The following MACROH2A2 variants were observed in gnomAD, a reference collection of about 807,000 sequenced individuals.
MACROH2A2 encodes the protein core histone macro-H2A.2.
MACROH2A2 carries 6 observed loss-of-function variants against 37.6 expected under a neutral mutation model. The ratio of observed to expected loss-of-function variants is 0.16; its 90% CI spans 0.09 to 0.32. The LOEUF (loss-of-function observed/expected upper bound fraction) is 0.32. MACROH2A2 is among the 10% of genes least tolerant of loss of function. MACROH2A2 has a pLI of 1.00. For synonymous variants in MACROH2A2, 192 were observed against 202.7 expected, an observed-to-expected ratio of 0.95 and a Z score of 0.45; for missense variants, 290 against 485.9, an observed-to-expected ratio of 0.60 and a Z score of 3.79.
At chr10:70,103,695 A>C (rs1290131202) in intron 7 of MACROH2A2, among the ~76,000 whole-genome samples, 1 of 151,316 alleles carries the variant, frequency 6.6e-6, no homozygotes, top group Non-Finnish European at 1.5e-5. Context: ...TTGAAAAATC[A>C]AAAGAAACCT....
Position 70,075,577 on chromosome 10 carries a change from A to T in MACROH2A2, c.-59-23A>T. 1 of 1,398,608 alleles carries T rather than the reference A, an allele frequency of 7.1e-7. No homozygotes were observed. The allele number at this position is 1,398,608 out of a possible 1,614,324, so 86.6% of individuals were successfully genotyped here. ...GATGTTTGCCAACTACCCTTCCTCA[A>T]CTCTGTCTTCTTTCCTTTTTAGCAT... is the stretch of plus-strand genomic sequence containing the variant. On this transcript the variant is annotated intron_variant, in intron 1 of 8. Coordinates refer to ENST00000373255, the MANE Select transcript of MACROH2A2 (RefSeq NM_018649.3). The surrounding 1 kb of genome is among the most constrained non-coding windows in gnomAD (Gnocchi z 5.0).
In MACROH2A2 at chr10:70,072,503, A is replaced by G. The variant is rs575013014; in HGVS notation, c.-59-3097A>G. Among the ~76,000 whole-genome samples the G allele has an allele frequency of 1.1e-4, 16 of 152,320 alleles. No individual in the cohort carries two copies. The South Asian group carries it at 3.3e-3, about 32-fold the overall frequency. On this transcript the variant is annotated intron_variant, in intron 1 of 8. Coordinates refer to ENST00000373255, the MANE Select transcript of MACROH2A2 (RefSeq NM_018649.3). ...TTTACAGTTTACTTTGTTTTTAATAAGTAGAAGGAGTACCAGTAACATCGT... is the reference window on the plus strand; with the variant it reads ...TTTACAGTTTACTTTGTTTTTAATAGGTAGAAGGAGTACCAGTAACATCGT...
rs1226159951 is a variant in MACROH2A2, at chr10:70,107,319, A to G, written c.779-1714A>G. Among the ~76,000 whole-genome samples the G allele has an allele frequency of 6.6e-6, 1 of 152,210 alleles. No homozygotes were observed. Among genetic ancestry groups the G allele is most frequent in the Non-Finnish European group, 1.5e-5 (1 of 68,028 alleles). ...GTGGACATTGCCAGGAAATACTTAT[A>G]TAAACTAGGTGGGCATCATAGATTT... is the stretch of plus-strand genomic sequence containing the variant. On this transcript the variant is annotated intron_variant, in intron 7 of 8. Coordinates refer to ENST00000373255, the MANE Select transcript of MACROH2A2 (RefSeq NM_018649.3). This position sits in a 1 kb window ranked among gnomAD's most constrained non-coding sequence, Gnocchi z 4.4.
At chr10:70,097,276 C>G (rs1444490322) in intron 6 of MACROH2A2, among the ~76,000 whole-genome samples, 2 of 152,160 alleles carry the variant, frequency 1.3e-5, no homozygotes, top group African/African-American at 4.8e-5. Flanking sequence ...TGGCAGGTTT[C>G]TAAACCTCCC....
chr10:70,061,612 C>T (rs2072050468), intron 1 of MACROH2A2, among the ~76,000 whole-genome samples: 1 of 152,162 alleles, frequency 6.6e-6, no homozygotes, highest in South Asian at 2.1e-4. Context: ...TACCCCTTGT[C>T]CCCAGCTCCT....
At chr10:70,061,250 T>C (rs2072048650) in intron 1 of MACROH2A2, among the ~76,000 whole-genome samples, 1 of 152,142 alleles carries the variant, frequency 6.6e-6, no homozygotes, top group South Asian at 2.1e-4. Context: ...CTGGACCCAG[T>C]GAGGGTGTTT....
chr10:70,077,822 A>G (rs1414137501), intron 2 of MACROH2A2, among the ~76,000 whole-genome samples: 1 of 152,246 alleles, frequency 6.6e-6, no homozygotes, highest in Admixed American at 6.5e-5. Flanking sequence ...TCTGATGGGA[A>G]AACCTCCCAG....
chr10:70,065,853 T>TC (rs1402546706), intron 1 of MACROH2A2, among the ~76,000 whole-genome samples: 1 of 152,166 alleles, frequency 6.6e-6, no homozygotes, highest in Non-Finnish European at 1.5e-5. Flanking sequence ...GTTATAAAAG[T>TC]CTAAGTTTTC....
intron 1 of MACROH2A2, among the ~76,000 whole-genome samples, chr10:70,066,595 C>A (rs72642214): frequency 0.042 from 6,321 of 152,206 alleles, 425 homozygotes; most frequent in East Asian, 0.24. Flanking sequence ...CTACAAAGAA[C>A]AATGTGATTG....
At chr10:70,079,565 G>GCGCGCGCACGCACACACACACA (rs1386558755) in intron 2 of MACROH2A2, among the ~76,000 whole-genome samples, 1 of 126,216 alleles carries the variant, frequency 7.9e-6, no homozygotes, top group Admixed American at 7.7e-5. Flanking sequence ...GCGCGCGCGC[G>GCGCGCGCACGCACACACACACA]CACACACACA....
At chr10:70,059,341 C>G (rs1453296119) in intron 1 of MACROH2A2, among the ~76,000 whole-genome samples, 1 of 151,898 alleles carries the variant, frequency 6.6e-6, no homozygotes, top group African/African-American at 2.4e-5. Flanking sequence ...AGGACAGCTC[C>G]CCTTGCATCT....
rs956882347 is a variant in MACROH2A2 at position 70,075,143 on chromosome 10, C to A, written c.-59-457C>A. 2.0e-5 allele frequency among the ~76,000 whole-genome samples: 3 copies of A among 152,186 alleles called. No homozygotes were observed. The highest frequency in any genetic ancestry group is 4.4e-5 in the Non-Finnish European group (3 of 68,034). Reference sequence around the variant, plus strand: ...CATCTCTTACTGCCCACTCTGACCCCCTGCCTCCGTCTTCTAAGGCAATTA... The same window carrying A: ...CATCTCTTACTGCCCACTCTGACCCACTGCCTCCGTCTTCTAAGGCAATTA... On this transcript the variant is annotated intron_variant, in intron 1 of 8. Coordinates refer to ENST00000373255, the MANE Select transcript of MACROH2A2 (RefSeq NM_018649.3). This position sits in a 1 kb window ranked among gnomAD's most constrained non-coding sequence, Gnocchi z 5.0.
In MACROH2A2 at chr10:70,089,918, C is replaced by G. The variant is rs1419690011; in HGVS notation, c.173-142C>G. On this transcript the variant is annotated intron_variant, in intron 2 of 8. Transcript: ENST00000373255. ...GCTGGGACTAACTTGAGTTCTCTTACGCTTCCTGGATTTCTTTCCAGGCCG... is the reference window on the plus strand; with the variant it reads ...GCTGGGACTAACTTGAGTTCTCTTAGGCTTCCTGGATTTCTTTCCAGGCCG... The G allele has an allele frequency of 5.8e-6, 4 of 691,788 alleles. No homozygotes were observed. The African/African-American group carries it at 7.1e-5, about 12-fold the overall frequency. 42.9% of individuals were successfully genotyped at this position (691,788 alleles called of 1,614,324 possible).
intron 5 of MACROH2A2, among the ~76,000 whole-genome samples, chr10:70,094,612 T>C (rs1434144558): frequency 6.6e-6 from 1 of 152,242 alleles, no homozygotes; most frequent in Non-Finnish European, 1.5e-5. Flanking sequence ...TGGTTGCTAA[T>C]TCGTCACTGA....
chr10:70,057,445 A>G (rs1364341774), intron 1 of MACROH2A2, among the ~76,000 whole-genome samples: 2 of 152,194 alleles, frequency 1.3e-5, no homozygotes, highest in Non-Finnish European at 2.9e-5. Flanking sequence ...GATTTCCAAC[A>G]TTGCAATGAC....
At chr10:70,098,899 CCTCT>C (rs1339356126) in intron 6 of MACROH2A2, 1 of 152,192 alleles carries the variant, frequency 6.6e-6, no homozygotes, top group African/African-American at 2.4e-5. Flanking sequence ...AGAGAAACTA[CCTCT>C]CTCCAGGATG....
chr10:70,089,359 C>T (rs1323409618), intron 2 of MACROH2A2, among the ~76,000 whole-genome samples: 2 of 152,222 alleles, frequency 1.3e-5, no homozygotes, highest in African/African-American at 4.8e-5. Flanking sequence ...CAGTTTCCTT[C>T]TGTGCTCTTG....
intron 2 of MACROH2A2, among the ~76,000 whole-genome samples, chr10:70,083,830 C>T (rs1227563601): frequency 2.0e-5 from 3 of 150,060 alleles, no homozygotes; most frequent in African/African-American, 2.5e-5. Context: ...ACGGTTATCA[C>T]GTTCCTACTT....
rs1456194004 is a variant in MACROH2A2, at chr10:70,112,180, T to C, written c.*497T>C. On this transcript the variant is annotated 3_prime_UTR_variant, in exon 9 of 9. Transcript: ENST00000373255. ...TCCCTATAATATCTGTAACTACTCC[T>C]AAAAAGGTTTTGATTCAGGCTTTTT... 1 of 152,090 alleles carries C rather than the reference T, an allele frequency of 6.6e-6. No homozygotes were observed. 9.4% of individuals were successfully genotyped at this position (152,090 alleles called of 1,614,324 possible). A position where few individuals can be genotyped will look rare whatever the true frequency, so the allele number is the denominator to read the frequency against.
Sources: allele counts gnomAD v4.1 joint callset (sites outside exome capture counted in the v4.1 genomes callset), GRCh38; gene constraint gnomAD v4.1.1; non-coding constraint Gnocchi (gnomAD v3.1); transcripts MANE v1.5; gene names NCBI Gene and HGNC (gene_info 2026-07-23, HGNC 2026-07-21).